The following GALNT17 variants were observed in gnomAD, a reference collection of about 807,000 sequenced individuals.
GALNT17 encodes the protein polypeptide N-acetylgalactosaminyltransferase 17, also known as UDP-GalNAc:polypeptide N-acetylgalactosaminyltransferase-like 3.
Under a neutral mutation model 63.7 loss-of-function variants are expected in GALNT17, and 29 were observed. The observed-to-expected ratio is 0.46, with a 90% CI of 0.34 to 0.62. The LOEUF (loss-of-function observed/expected upper bound fraction) is 0.62. Among genes scored for constraint, GALNT17 ranks in the 20% least tolerant of loss-of-function variants. The pLI, the probability that GALNT17 is intolerant of heterozygous loss-of-function variation, is 0.01. For synonymous variants in GALNT17, 305 were observed against 318.3 expected (o/e 0.96, Z 0.45); for missense variants, 603 against 799.6 (o/e 0.75, Z 2.97).
At chr7:71,279,600 A>C (rs1210487813) in intron 1 of GALNT17, among the ~76,000 whole-genome samples, 2 of 151,784 alleles carry the variant, frequency 1.3e-5, no homozygotes, top group Non-Finnish European at 2.9e-5. Context: ...TACATTTCCA[A>C]ATAAGATCAC....
At chr7:71,321,934 T>TTCCTTC (rs1791622901) in intron 1 of GALNT17, among the ~76,000 whole-genome samples, 1 of 38,276 alleles carries the variant, frequency 2.6e-5, no homozygotes, top group Non-Finnish European at 4.7e-5. Flanking sequence ...CCTCCCTCCC[T>TTCCTTC]CCCTCCCTCC....
intron 5 of GALNT17, among the ~76,000 whole-genome samples, chr7:71,435,801 T>C (rs2960890): frequency 0.93 from 141,585 of 152,164 alleles, 66,183 homozygotes; most frequent in African/African-American, 0.98. Flanking sequence ...CGGTGGATCA[T>C]GGGGTCAGGA....
chr7:71,413,681 C>G (rs900364195), intron 3 of GALNT17, among the ~76,000 whole-genome samples: 1 of 151,956 alleles, frequency 6.6e-6, no homozygotes, highest in Non-Finnish European at 1.5e-5. Context: ...CTCCTTAACT[C>G]GATTGTAAGC....
At chr7:71,659,789 T>C (rs1790879945) in intron 6 of GALNT17, among the ~76,000 whole-genome samples, 1 of 152,188 alleles carries the variant, frequency 6.6e-6, no homozygotes, top group Non-Finnish European at 1.5e-5. Flanking sequence ...CACACCCTGC[T>C]CTCTCCTTCA....
At chr7:71,194,921 C>CTGACCACAGCTTCTCATCAT (rs1311496695) in intron 1 of GALNT17, among the ~76,000 whole-genome samples, 1 of 152,222 alleles carries the variant, frequency 6.6e-6, no homozygotes, top group African/African-American at 2.4e-5. Context: ...GAGGCACCAT[C>CTGACCACAGCTTCTCATCAT]TGACCACAGC....
chr7:71,448,193 A>G (rs910775071), intron 5 of GALNT17, among the ~76,000 whole-genome samples: 13 of 152,176 alleles, frequency 8.5e-5, no homozygotes, highest in Admixed American at 2.0e-4. Context: ...AGTTCTTTCA[A>G]TGTAACTTGT....
At chr7:71,561,696 G>T (rs1584051402) in intron 5 of GALNT17, among the ~76,000 whole-genome samples, 2 of 152,274 alleles carry the variant, frequency 1.3e-5, no homozygotes, top group African/African-American at 4.8e-5. Flanking sequence ...GGTGGCTGGG[G>T]TCTAAGAGAA....
At chr7:71,138,925 A>G (rs1378579957) in intron 1 of GALNT17, among the ~76,000 whole-genome samples, 3 of 152,200 alleles carry the variant, frequency 2.0e-5, no homozygotes, top group African/African-American at 7.2e-5. Flanking sequence ...CAGTGAGCTG[A>G]GATTGCACCA....
At chr7:71,200,920 A>G (rs1020081743) in intron 1 of GALNT17, among the ~76,000 whole-genome samples, 4 of 152,058 alleles carry the variant, frequency 2.6e-5, no homozygotes, top group South Asian at 2.1e-4. Context: ...ACGTACATTT[A>G]TATGATGTTA....
At chr7:71,661,307 C>T (rs1790904534) in intron 6 of GALNT17, among the ~76,000 whole-genome samples, 1 of 152,116 alleles carries the variant, frequency 6.6e-6, no homozygotes, top group Admixed American at 6.5e-5. Flanking sequence ...ACTTTCTCCA[C>T]CTCTTTGACC....
intron 5 of GALNT17, among the ~76,000 whole-genome samples, chr7:71,433,648 C>G (rs1274051551): frequency 6.6e-6 from 1 of 152,146 alleles, no homozygotes; most frequent in East Asian, 1.9e-4. Context: ...GAGATTTTGC[C>G]TGTCCCTTCT....
chr7:71,700,877 A>G (rs1281775376), intron 9 of GALNT17, among the ~76,000 whole-genome samples: 1 of 152,172 alleles, frequency 6.6e-6, no homozygotes, highest in Non-Finnish European at 1.5e-5. Context: ...TAAGCTGTGA[A>G]CACCTCGAAA....
chr7:71,196,281 G>C (rs912056021), intron 1 of GALNT17, among the ~76,000 whole-genome samples: 2 of 152,172 alleles, frequency 1.3e-5, no homozygotes, highest in South Asian at 4.1e-4. Flanking sequence ...GGGGTTACAG[G>C]CACCTGCCAC....
In GALNT17 at chr7:71,275,523, C is replaced by G. The variant is rs990064190; in HGVS notation, c.239-60027C>G. Among the ~76,000 whole-genome samples, 4 of 152,148 alleles carry G rather than the reference C, an allele frequency of 2.6e-5. No individual in the cohort carries two copies. The South Asian group carries it at 6.2e-4, about 24-fold the overall frequency. On this transcript the variant is annotated intron_variant, in intron 1 of 10. Transcript: ENST00000333538. ...GGTGATGTTGGTGCTGAAACCAGCT[C>G]TTGTGTGAGACCCACTGAGCTGCAG...
At chr7:71,653,802 A>G (rs771014794) in intron 6 of GALNT17, among the ~76,000 whole-genome samples, 2 of 152,072 alleles carry the variant, frequency 1.3e-5, no homozygotes, top group Non-Finnish European at 2.9e-5. Context: ...GCTCTGTGTA[A>G]AAATCTGAGG....
intron 9 of GALNT17, among the ~76,000 whole-genome samples, chr7:71,702,699 A>G (rs576364995): frequency 1.3e-5 from 2 of 152,300 alleles, no homozygotes; most frequent in South Asian, 4.1e-4. Flanking sequence ...GAACTGGGGA[A>G]CCAGTTAGGA....
At chr7:71,371,572 A>G (rs1189185328) in intron 2 of GALNT17, among the ~76,000 whole-genome samples, 9 of 152,002 alleles carry the variant, frequency 5.9e-5, no homozygotes, top group Non-Finnish European at 1.0e-4. Flanking sequence ...CTTTTTTGCA[A>G]TTTGCCGTTG....
chr7:71,521,909 G>A (rs1409012208), intron 5 of GALNT17, among the ~76,000 whole-genome samples: 1 of 152,104 alleles, frequency 6.6e-6, no homozygotes, highest in African/African-American at 2.4e-5. Context: ...CTAAAGTTTT[G>A]GTTCTAGAAG....
chr7:71,341,473 A>G (rs1465312934), intron 2 of GALNT17, among the ~76,000 whole-genome samples: 1 of 152,176 alleles, frequency 6.6e-6, no homozygotes, highest in Non-Finnish European at 1.5e-5. Flanking sequence ...GAAAAGAAAA[A>G]AAACTAAACT....
Sources: allele counts gnomAD v4.1 joint callset (sites outside exome capture counted in the v4.1 genomes callset), GRCh38; gene constraint gnomAD v4.1.1; transcripts MANE v1.5; gene names NCBI Gene and HGNC (gene_info 2026-07-23, HGNC 2026-07-21).